SLC4A4: variants seen among roughly 807,000 people sequenced by gnomAD.
The protein encoded by SLC4A4 is electrogenic sodium bicarbonate cotransporter 1.
Under a neutral mutation model 111.5 loss-of-function variants are expected in SLC4A4, and 27 were observed. The observed-to-expected ratio is 0.24, with a 90% CI of 0.18 to 0.33. The LOEUF (loss-of-function observed/expected upper bound fraction) is 0.33, where lower values mean the gene tolerates loss of function less well. Ranked by LOEUF, SLC4A4 falls within the 10% of genes least tolerant of loss-of-function variation. The pLI is 1.00. For missense variants in SLC4A4, 909 were observed against 1,315.5 expected (o/e 0.69, Z 4.78); for synonymous variants, 443 against 463.4 (o/e 0.96, Z 0.57).
intron 1 of SLC4A4, among the ~76,000 whole-genome samples, chr4:71,193,861 C>G (rs1002209422): frequency 6.6e-6 from 1 of 152,194 alleles, no homozygotes; most frequent in Non-Finnish European, 1.5e-5. Flanking sequence ...CAGGCAAACT[C>G]ATTCACCAAT....
intron 2 of SLC4A4, among the ~76,000 whole-genome samples, chr4:71,111,532 T>TGTTTTTTGTTTTTCG (rs1560725489): frequency 1.6e-4 from 22 of 134,596 alleles, no homozygotes; most frequent in African/African-American, 6.0e-4. Flanking sequence ...AGGTTTTTTT[T>TGTTTTTTGTTTTTCG]TTTTTTTTTT....
chr4:71,463,748 C>T (rs1317054015), intron 12 of SLC4A4, among the ~76,000 whole-genome samples: 3 of 152,062 alleles, frequency 2.0e-5, no homozygotes, highest in Non-Finnish European at 2.9e-5. Flanking sequence ...CTTCTTGGTT[C>T]CTTTAACATT....
chr4:71,339,203 TTC>T (rs1319316056), intron 3 of SLC4A4, 165 bp from the exon 4 acceptor site: 22 of 1,613,970 alleles, frequency 1.4e-5, no homozygotes, highest in African/African-American at 2.7e-5. Flanking sequence ...GGGCTTTGAT[TTC>T]TTTTTGGCTT....
At chr4:71,099,429 C>T (rs6846934) in intron 2 of SLC4A4, among the ~76,000 whole-genome samples, 17,152 of 152,136 alleles carry the variant, frequency 0.11, 1,241 homozygotes, top group South Asian at 0.14. Flanking sequence ...ATCTCTGGAA[C>T]ACAGCTAAGG....
chr4:71,250,750 A>ATG (rs1244751077), intron 2 of SLC4A4, among the ~76,000 whole-genome samples: 1 of 152,208 alleles, frequency 6.6e-6, no homozygotes, highest in Non-Finnish European at 1.5e-5. Context: ...TATTAAATTT[A>ATG]TGATATAAAT....
rs551221755 is a variant in SLC4A4, at chr4:71,202,593, G to A, written c.-2+15192G>A. On this transcript the variant is annotated intron_variant, in intron 1 of 25. Coordinates refer to ENST00000264485, the MANE Select transcript of SLC4A4 (RefSeq NM_001098484.3). Reference sequence around the variant, plus strand: ...ATTTGTATACCCTAATAAAGCCAGCGGAGTGGAGGAGGAAATAATACAACA... The same window carrying A: ...ATTTGTATACCCTAATAAAGCCAGCAGAGTGGAGGAGGAAATAATACAACA... 2.1e-4 allele frequency among the ~76,000 whole-genome samples: 32 copies of A among 152,136 alleles called. No homozygotes were observed. The South Asian group carries it at 2.3e-3, about 11-fold the overall frequency.
At chr4:71,439,269 G>A (rs1724452664) in intron 7 of SLC4A4, among the ~76,000 whole-genome samples, 1 of 150,108 alleles carries the variant, frequency 6.7e-6, no homozygotes, top group South Asian at 2.1e-4. Context: ...TCTACTAAAA[G>A]ACGAAAAAAT....
chr4:71,200,118 C>T (rs1746182684), intron 1 of SLC4A4, among the ~76,000 whole-genome samples: 1 of 152,146 alleles, frequency 6.6e-6, no homozygotes, highest in East Asian at 1.9e-4. Context: ...CTGACAGAAC[C>T]CCTATGGCTT....
chr4:71,443,116 C>CTCTCTCTATA (rs1198759861), intron 8 of SLC4A4, among the ~76,000 whole-genome samples: 68 of 65,648 alleles, frequency 1.0e-3, no homozygotes, highest in East Asian at 3.3e-3. Flanking sequence ...CTCTCTCTCT[C>CTCTCTCTATA]TATATATATA....
intron 18 of SLC4A4, among the ~76,000 whole-genome samples, chr4:71,536,462 A>ATATATATATATATG (rs1172733161): frequency 1.9e-5 from 1 of 53,954 alleles, no homozygotes; most frequent in Non-Finnish European, 3.7e-5. Context: ...ATATACATAT[A>ATATATATATATATG]TACATATATA....
intron 4 of SLC4A4, among the ~76,000 whole-genome samples, chr4:71,344,065 C>T (rs1729114352): frequency 6.6e-6 from 1 of 152,058 alleles, no homozygotes; most frequent in African/African-American, 2.4e-5. Flanking sequence ...TTGTCCTTAG[C>T]ACCTGTCATC....
intron 20 of SLC4A4, among the ~76,000 whole-genome samples, chr4:71,551,070 C>T (rs755841117): frequency 6.6e-6 from 1 of 151,706 alleles, no homozygotes; most frequent in Non-Finnish European, 1.5e-5. Flanking sequence ...AGAAATACTG[C>T]CTGGTAAGTG....
At chr4:71,368,484 T>C (rs1182562660) in intron 6 of SLC4A4, among the ~76,000 whole-genome samples, 1 of 152,180 alleles carries the variant, frequency 6.6e-6, no homozygotes, top group Non-Finnish European at 1.5e-5. Flanking sequence ...GAGATCCAGC[T>C]CTATATTCAT....
At chr4:71,384,051 G>C (rs1718422498) in intron 6 of SLC4A4, among the ~76,000 whole-genome samples, 1 of 152,196 alleles carries the variant, frequency 6.6e-6, no homozygotes, top group Admixed American at 6.5e-5. Flanking sequence ...ACCAAGAGCT[G>C]CAAGCATCTC....
At chr4:71,131,576 A>G (rs1042144590) in intron 2 of SLC4A4, among the ~76,000 whole-genome samples, 7 of 152,214 alleles carry the variant, frequency 4.6e-5, no homozygotes, top group Admixed American at 2.0e-4. Flanking sequence ...AGTATATGCA[A>G]ATTACTTGGG....
At chr4:71,473,251 A>G (rs753120139) in intron 14 of SLC4A4, 16 of 606,442 alleles carry the variant, frequency 2.6e-5, no homozygotes, top group Non-Finnish European at 4.4e-5. Flanking sequence ...TCATGTGTAC[A>G]TTATTCTTGA....
intron 6 of SLC4A4, among the ~76,000 whole-genome samples, chr4:71,378,670 A>T (rs1717783662): frequency 1.3e-5 from 2 of 152,260 alleles, no homozygotes; most frequent in Admixed American, 1.3e-4. Flanking sequence ...GCAGTATTCC[A>T]GCTACAGATA....
intron 23 of SLC4A4, 148 bp downstream of exon 23, chr4:71,560,402 GC>G: frequency 1.3e-6 from 1 of 795,338 alleles, no homozygotes; most frequent in Non-Finnish European, 1.9e-6. Flanking sequence ...ACCTCCCTTT[GC>G]CCTTTATATT....
In SLC4A4 at chr4:71,262,883, T is replaced by C. The variant is rs927343106; in HGVS notation, c.253+7484T>C. On this transcript the variant is annotated intron_variant, in intron 3 of 25. Transcript: ENST00000264485. ...AACAATTCTTTTTTTTTTGTTATAC[T>C]TTAAGTTCTAGTGTACATGTGAACA... Among the ~76,000 whole-genome samples, 4 of 152,072 alleles carry C rather than the reference T, an allele frequency of 2.6e-5. No individual in the cohort carries two copies. In the East Asian group the frequency reaches 7.7e-4, roughly 29 times the overall value.
Sources: allele counts gnomAD v4.1 joint callset (sites outside exome capture counted in the v4.1 genomes callset), GRCh38; gene constraint gnomAD v4.1.1; transcripts MANE v1.5; gene names NCBI Gene and HGNC (gene_info 2026-07-23, HGNC 2026-07-21).